The following RNF130 variants were observed in gnomAD, a reference collection of about 807,000 sequenced individuals.
The protein encoded by RNF130 is E3 ubiquitin-protein ligase RNF130.
RNF130 carries 21 observed loss-of-function variants against 44.6 expected under a neutral mutation model. That is an observed-to-expected ratio of 0.47 (90% CI 0.33 to 0.68). RNF130 has a LOEUF of 0.68. RNF130 is among the 30% of genes least tolerant of loss of function. The probability of loss-of-function intolerance (pLI) is 0.02; values close to 1 mark genes in which losing one functional copy is unlikely to be tolerated. For missense variants in RNF130, 479 were observed against 560.6 expected, an observed-to-expected ratio of 0.85 and a Z score of 1.47; for synonymous variants, 214 against 210.4, an observed-to-expected ratio of 1.02 and a Z score of -0.15.
intron 7 of RNF130, among the ~76,000 whole-genome samples, chr5:179,937,904 C>CTGTGTGTGTG (rs757837790): frequency 7.7e-4 from 92 of 119,450 alleles, no homozygotes; most frequent in South Asian, 6.8e-3. Flanking sequence ...TTCAATGAAT[C>CTGTGTGTGTG]TGTGTGTGTG....
chr5:179,975,763 G>A (rs1373348437), intron 5 of RNF130, among the ~76,000 whole-genome samples: 1 of 152,106 alleles, frequency 6.6e-6, no homozygotes, highest in African/African-American at 2.4e-5. Context: ...ACCATAGAGG[G>A]TGCAGCGAAA....
At chr5:179,927,814 T>C (rs1761727772) in intron 7 of RNF130, among the ~76,000 whole-genome samples, 1 of 151,966 alleles carries the variant, frequency 6.6e-6, no homozygotes, top group African/African-American at 2.4e-5. Flanking sequence ...ATGGTCTCGA[T>C]CTCCTGACCT....
At chr5:180,047,082 A>G (rs2113152810) in intron 1 of RNF130, among the ~76,000 whole-genome samples, 1 of 152,340 alleles carries the variant, frequency 6.6e-6, no homozygotes, top group South Asian at 2.1e-4. Flanking sequence ...AGGTAAAAAT[A>G]AAAATGAGAC....
intron 3 of RNF130, among the ~76,000 whole-genome samples, chr5:179,990,941 ATTC>A (rs1763068437): frequency 6.6e-6 from 1 of 152,192 alleles, no homozygotes; most frequent in African/African-American, 2.4e-5. Context: ...ATCTAGTATA[ATTC>A]TTGTTATTTT....
chr5:180,012,575 C>T (rs1763618257), intron 3 of RNF130, among the ~76,000 whole-genome samples: 1 of 152,156 alleles, frequency 6.6e-6, no homozygotes, highest in African/African-American at 2.4e-5. Context: ...TGGTCTTCCC[C>T]CACTCACCCT....
rs543262646 is a variant in RNF130 at position 179,921,592 on chromosome 5, G to A, written c.1151-1166C>T. On this transcript the variant is annotated intron_variant, in intron 7 of 7. Coordinates refer to the RNF130 transcript ENST00000522208. ...GCGGGTGGATCATTTGAGATCAGGA[G>A]TTCAAGACCAGCTTCAACTACGTAG... Among the ~76,000 whole-genome samples the A allele has an allele frequency of 1.6e-4, 24 of 152,286 alleles. No individual in the cohort carries two copies. In the South Asian group the frequency reaches 2.9e-3, roughly 18 times the overall value.
In RNF130 at chr5:180,071,716, G is replaced by C; in HGVS notation, c.-14C>G. 1.6e-6 allele frequency: 2 copies of C among 1,254,226 alleles called. No homozygotes were observed. The highest frequency in any genetic ancestry group is 6.5e-5 in the East Asian group (2 of 30,860). 77.7% of individuals were successfully genotyped at this position (1,254,226 alleles called of 1,614,324 possible). ...CGCGCAGCTCATCGTCCCTCCGGCA[G>C]CCGCCGCTGCTCGCGGACCGGGCTC... On this transcript the variant is annotated 5_prime_UTR_variant, in exon 1 of 9. Coordinates refer to ENST00000521389, the MANE Select transcript of RNF130 (RefSeq NM_018434.6).
intron 3 of RNF130, among the ~76,000 whole-genome samples, chr5:180,010,120 A>G (rs1393720131): frequency 1.3e-5 from 2 of 151,694 alleles, no homozygotes; most frequent in Non-Finnish European, 2.9e-5. Flanking sequence ...GGTGGCAGGC[A>G]CCTGTAGTCC....
At chr5:180,041,377 T>C (rs924042782) in intron 1 of RNF130, among the ~76,000 whole-genome samples, 7 of 152,204 alleles carry the variant, frequency 4.6e-5, no homozygotes, top group African/African-American at 1.7e-4. Flanking sequence ...ACTAAGAATG[T>C]TGGTACTACA....
At chr5:179,960,322 ATC>A (rs1280915067) in intron 8 of RNF130, among the ~76,000 whole-genome samples, 3 of 152,238 alleles carry the variant, frequency 2.0e-5, no homozygotes, top group African/African-American at 4.8e-5. Flanking sequence ...AATTTACCAG[ATC>A]TGTTTGCAGT....
intron 2 of RNF130, among the ~76,000 whole-genome samples, chr5:180,018,482 G>A (rs1763793986): frequency 2.0e-5 from 3 of 152,078 alleles, no homozygotes; most frequent in Non-Finnish European, 4.4e-5. Flanking sequence ...CAGATCTCAT[G>A]AGACTCACTC....
At chr5:180,016,114 G>A (rs1012401357) in intron 2 of RNF130, among the ~76,000 whole-genome samples, 6 of 151,890 alleles carry the variant, frequency 4.0e-5, no homozygotes, top group African/African-American at 4.8e-5. Flanking sequence ...CCTGCCGATC[G>A]GGCAGGAGGA....
At chr5:180,037,074 G>C (rs566390473) in intron 2 of RNF130, among the ~76,000 whole-genome samples, 19 of 152,256 alleles carry the variant, frequency 1.2e-4, no homozygotes, top group African/African-American at 4.6e-4. Flanking sequence ...TACTGTGTTT[G>C]GGAGACTTAT....
At chr5:179,984,814 A>C (rs1172168699) in intron 3 of RNF130, among the ~76,000 whole-genome samples, 2 of 152,166 alleles carry the variant, frequency 1.3e-5, no homozygotes, top group Non-Finnish European at 1.5e-5. Context: ...TTAAAATCTG[A>C]AATGCTCCTA....
chr5:179,913,700 A>G (rs1043504874), exon 8 of RNF130: 1 of 152,196 alleles, frequency 6.6e-6, no homozygotes, highest in Non-Finnish European at 1.5e-5. Context: ...ATACCCACAA[A>G]AAAGAGGGTG....
chr5:179,914,006 T>C (rs1761505834), exon 8 of RNF130: 1 of 152,290 alleles, frequency 6.6e-6, no homozygotes, highest in South Asian at 2.1e-4. Flanking sequence ...TTTTTTCTGA[T>C]GCTACAATAC....
chr5:179,933,398 T>TTGTGTGTGTG (rs71001060), intron 7 of RNF130, among the ~76,000 whole-genome samples: 3,088 of 143,462 alleles, frequency 0.022, 113 homozygotes, highest in African/African-American at 0.07. Context: ...ATAACCCTAT[T>TTGTGTGTGTG]TGTGTGTGTG....
chr5:180,003,948 T>C (rs1315778772), intron 3 of RNF130, among the ~76,000 whole-genome samples: 1 of 152,230 alleles, frequency 6.6e-6, no homozygotes, highest in African/African-American at 2.4e-5. Flanking sequence ...ATGTGCTAGG[T>C]ACTGTTCTAA....
intron 7 of RNF130, among the ~76,000 whole-genome samples, chr5:179,936,873 A>C (rs1761896928): frequency 1.3e-5 from 2 of 152,242 alleles, no homozygotes; most frequent in African/African-American, 4.8e-5. Flanking sequence ...CAGTCTCTTC[A>C]AGAAATGGTA....
Sources: allele counts gnomAD v4.1 joint callset (sites outside exome capture counted in the v4.1 genomes callset), GRCh38; gene constraint gnomAD v4.1.1; transcripts MANE v1.5; gene names NCBI Gene and HGNC (gene_info 2026-07-23, HGNC 2026-07-21).